The following ADAMTSL1 variants were observed in gnomAD, a reference collection of about 807,000 sequenced individuals.
ADAMTSL1 encodes ADAMTS like 1.
Under a neutral mutation model 201.8 loss-of-function variants are expected in ADAMTSL1, and 126 were observed. The observed-to-expected ratio is 0.62, with a 90% CI of 0.54 to 0.72. ADAMTSL1 has a LOEUF of 0.72. ADAMTSL1 is among the 30% of genes least tolerant of loss of function. The pLI is 0.00. For missense variants in ADAMTSL1, 2,679 were observed against 2,277.8 expected, an observed-to-expected ratio of 1.18 and a Z score of -3.59; for synonymous variants, 1,121 against 903.4, an observed-to-expected ratio of 1.24 and a Z score of -4.32.
chr9:18,144,232 C>T (rs186364126), intron 1 of ADAMTSL1, among the ~76,000 whole-genome samples: 7 of 150,922 alleles, frequency 4.6e-5, no homozygotes, highest in African/African-American at 1.5e-4. Context: ...TTTTTGAGAC[C>T]GAGTGTCCCT....
At chr9:18,171,143 G>C (rs1330198151) in intron 2 of ADAMTSL1, among the ~76,000 whole-genome samples, 1 of 151,998 alleles carries the variant, frequency 6.6e-6, no homozygotes, top group Non-Finnish European at 1.5e-5. Context: ...AATTAAAACA[G>C]TGTGATATTA....
At chr9:18,750,578 TA>T (rs1348708626) in intron 15 of ADAMTSL1, among the ~76,000 whole-genome samples, 1 of 152,260 alleles carries the variant, frequency 6.6e-6, no homozygotes, top group Non-Finnish European at 1.5e-5. Context: ...CTGCCATGGA[TA>T]TTCTTGCATA....
At chr9:18,026,752 A>C (rs895556732) in intron 1 of ADAMTSL1, among the ~76,000 whole-genome samples, 7 of 152,038 alleles carry the variant, frequency 4.6e-5, no homozygotes, top group African/African-American at 1.7e-4. Context: ...CTCCTCCTCA[A>C]TTTTTGGGAA....
intron 20 of ADAMTSL1, among the ~76,000 whole-genome samples, chr9:18,803,010 T>C (rs554510757): frequency 5.9e-5 from 9 of 152,342 alleles, no homozygotes; most frequent in African/African-American, 1.9e-4. Flanking sequence ...TTCTTTGTTG[T>C]GGTGACAACT....
At chr9:18,785,162 T>TAAA (rs36065274) in intron 19 of ADAMTSL1, among the ~76,000 whole-genome samples, 2 of 147,256 alleles carry the variant, frequency 1.4e-5, no homozygotes, top group Non-Finnish European at 3.0e-5. Flanking sequence ...AGACTCCGTC[T>TAAA]AAAAAAAAAA....
At chr9:18,714,762 T>C (rs1832816107) in intron 14 of ADAMTSL1, among the ~76,000 whole-genome samples, 2 of 152,070 alleles carry the variant, frequency 1.3e-5, no homozygotes, top group Admixed American at 1.3e-4. Flanking sequence ...GCCAGTATCA[T>C]ACTGATACCA....
chr9:18,289,465 A>G (rs1165098478), intron 2 of ADAMTSL1, among the ~76,000 whole-genome samples: 1 of 152,242 alleles, frequency 6.6e-6, no homozygotes, highest in Admixed American at 6.5e-5. Flanking sequence ...AAGACTTGAG[A>G]TAATGCAATG....
At chr9:18,773,031 A>G (rs1046428415) in intron 17 of ADAMTSL1, among the ~76,000 whole-genome samples, 3 of 152,220 alleles carry the variant, frequency 2.0e-5, no homozygotes, top group African/African-American at 7.2e-5. Context: ...AGGTGTTCAC[A>G]AAGGCTCCAC....
chr9:17,966,418 C>T (rs1048682091), intron 1 of ADAMTSL1, among the ~76,000 whole-genome samples: 7 of 152,132 alleles, frequency 4.6e-5, no homozygotes, highest in East Asian at 1.9e-4. Flanking sequence ...GACTTTGCTA[C>T]GCACTCAGAA....
chr9:18,448,190 T>C (rs1820270725), intron 2 of ADAMTSL1, among the ~76,000 whole-genome samples: 1 of 152,190 alleles, frequency 6.6e-6, no homozygotes, highest in African/African-American at 2.4e-5. Context: ...TCTTTTATGA[T>C]GATTTTGTTG....
chr9:18,507,439 T>C (rs1348026670), intron 2 of ADAMTSL1, among the ~76,000 whole-genome samples: 1 of 152,214 alleles, frequency 6.6e-6, no homozygotes, highest in Non-Finnish European at 1.5e-5. Flanking sequence ...TTTATAATAA[T>C]ACCAAATAAG....
Position 18,814,797 on chromosome 9 carries a change from T to G in ADAMTSL1, c.3806-2312T>G, listed in dbSNP as rs529836051. On this transcript the variant is annotated intron_variant, in intron 20 of 28. Coordinates refer to ENST00000380548, the MANE Select transcript of ADAMTSL1 (RefSeq NM_001040272.6). ...AGTACTAGGTTTAATACCTGGCTGATGAAATAATCTGTACAACAAACCCCC... is the reference window on the plus strand; with the variant it reads ...AGTACTAGGTTTAATACCTGGCTGAGGAAATAATCTGTACAACAAACCCCC... Among the ~76,000 whole-genome samples the G allele has an allele frequency of 1.7e-3, 259 of 152,230 alleles. 1 individual carries two copies. Among genetic ancestry groups the G allele is most frequent in the Non-Finnish European group, 3.1e-3 (213 of 68,006 alleles).
At chr9:18,174,574 T>G (rs1469543485) in intron 2 of ADAMTSL1, among the ~76,000 whole-genome samples, 1 of 152,198 alleles carries the variant, frequency 6.6e-6, no homozygotes, top group Non-Finnish European at 1.5e-5. Flanking sequence ...CACCCTCTCC[T>G]AGAATTTTAA....
At chr9:17,939,296 CTTT>C (rs34204258) in intron 1 of ADAMTSL1, among the ~76,000 whole-genome samples, 12,046 of 149,982 alleles carry the variant, frequency 0.08, 664 homozygotes, top group South Asian at 0.2. Context: ...TCATTAGAAA[CTTT>C]TTTTTTTTTT....
intron 2 of ADAMTSL1, among the ~76,000 whole-genome samples, chr9:18,275,230 TGAGA>T (rs1442311067): frequency 1.3e-5 from 2 of 152,200 alleles, no homozygotes; most frequent in Admixed American, 6.5e-5. Flanking sequence ...AAAATGAGGG[TGAGA>T]GAGAGCTTAT....
intron 1 of ADAMTSL1, among the ~76,000 whole-genome samples, chr9:18,063,472 CTTTTATCTAA>C (rs1053643423): frequency 6.6e-6 from 1 of 152,244 alleles, no homozygotes; most frequent in African/African-American, 2.4e-5. Context: ...TCTCTTTCCT[CTTTTATCTAA>C]ATATGTTTGT....
chr9:18,426,973 A>C (rs183813643), intron 2 of ADAMTSL1, among the ~76,000 whole-genome samples: 570 of 152,306 alleles, frequency 3.7e-3, no homozygotes, highest in Non-Finnish European at 5.7e-3. Flanking sequence ...GTATCTTCGA[A>C]ACATTTTTAT....
At chr9:18,145,654 C>T (rs1361174987) in intron 1 of ADAMTSL1, among the ~76,000 whole-genome samples, 2 of 152,044 alleles carry the variant, frequency 1.3e-5, no homozygotes, top group Non-Finnish European at 2.9e-5. Flanking sequence ...TATGAAATTC[C>T]TTGACTATAA....
At chr9:18,594,419 C>T (rs1156881485) in intron 4 of ADAMTSL1, among the ~76,000 whole-genome samples, 1 of 152,126 alleles carries the variant, frequency 6.6e-6, no homozygotes, top group East Asian at 1.9e-4. Context: ...ATTGTCTCTA[C>T]ACCTTTCTTT....
Sources: gnomAD v4.1 joint callset for allele counts (sites outside exome capture counted in the v4.1 genomes callset) on GRCh38, gnomAD v4.1.1 for gene constraint, MANE v1.5 for transcripts, NCBI Gene and HGNC (gene_info 2026-07-23, HGNC 2026-07-21) for gene names.